The following ANKRD28 variants were observed in gnomAD, a reference collection of about 807,000 sequenced individuals.
The protein encoded by ANKRD28 is serine/threonine-protein phosphatase 6 regulatory ankyrin repeat subunit A.
A neutral mutation model predicts 126.5 loss-of-function variants in ANKRD28; 44 were observed. The observed-to-expected ratio is 0.35, with a 90% CI of 0.27 to 0.45. The LOEUF (loss-of-function observed/expected upper bound fraction) is 0.45. ANKRD28 is among the 20% of genes least tolerant of loss of function. The pLI, the probability that ANKRD28 is intolerant of heterozygous loss-of-function variation, is 1.00. For synonymous variants in ANKRD28, 442 were observed against 468.5 expected (o/e 0.94, Z 0.73); for missense variants, 1,110 against 1,316.6 (o/e 0.84, Z 2.43).
intron 1 of ANKRD28, among the ~76,000 whole-genome samples, chr3:15,837,625 C>T (rs1159208729): frequency 6.6e-6 from 1 of 152,032 alleles, no homozygotes; most frequent in Non-Finnish European, 1.5e-5. Context: ...CACATCAAAA[C>T]TCATAGGATA....
At chr3:15,704,909 G>A (rs924600725) in intron 14 of ANKRD28, among the ~76,000 whole-genome samples, 4 of 152,082 alleles carry the variant, frequency 2.6e-5, no homozygotes, top group Non-Finnish European at 1.5e-5. Context: ...AATAAAGATA[G>A]GAAACAGAGG....
intron 4 of ANKRD28, among the ~76,000 whole-genome samples, chr3:15,740,622 G>C (rs570093019): frequency 6.6e-6 from 1 of 152,272 alleles, no homozygotes; most frequent in Non-Finnish European, 1.5e-5. Flanking sequence ...CAGAATACTA[G>C]AGATGTCAGC....
intron 1 of ANKRD28, among the ~76,000 whole-genome samples, chr3:15,832,205 T>C (rs2061218924): frequency 6.6e-6 from 1 of 152,184 alleles, no homozygotes; most frequent in Non-Finnish European, 1.5e-5. Flanking sequence ...ATAAATAGAA[T>C]AAAGGAAGAA....
chr3:15,688,303 T>C (rs2068383787), intron 18 of ANKRD28, among the ~76,000 whole-genome samples: 1 of 152,220 alleles, frequency 6.6e-6, no homozygotes, highest in Non-Finnish European at 1.5e-5. Context: ...TTTTATTTTA[T>C]ATTTTAGGAA....
chr3:15,718,915 A>G (rs936435512), intron 8 of ANKRD28, among the ~76,000 whole-genome samples: 4 of 152,180 alleles, frequency 2.6e-5, no homozygotes, highest in African/African-American at 9.6e-5. Flanking sequence ...GGAAAAAACT[A>G]ACTTTTCTCC....
At chr3:15,706,897 A>T (rs2071514202) in intron 14 of ANKRD28, among the ~76,000 whole-genome samples, 1 of 152,130 alleles carries the variant, frequency 6.6e-6, no homozygotes. Context: ...TCTTTAGAGA[A>T]GTGTCTGTTC....
intron 2 of ANKRD28, among the ~76,000 whole-genome samples, chr3:15,774,381 G>A (rs1479190770): frequency 1.3e-5 from 2 of 151,966 alleles, no homozygotes; most frequent in African/African-American, 2.4e-5. Context: ...ACTTGAATTC[G>A]GAATATATAA....
chr3:15,771,562 A>G (rs2059010790), intron 2 of ANKRD28, among the ~76,000 whole-genome samples: 1 of 152,146 alleles, frequency 6.6e-6, no homozygotes, highest in South Asian at 2.1e-4. Context: ...AGCTCTTTAA[A>G]CAACCAGCTG....
chr3:15,789,775 T>C (rs1259543021), intron 2 of ANKRD28, among the ~76,000 whole-genome samples: 1 of 151,924 alleles, frequency 6.6e-6, no homozygotes, highest in Non-Finnish European at 1.5e-5. Context: ...TCATACCAAA[T>C]AATATGAATA....
chr3:15,809,839 A>G (rs529550836), intron 1 of ANKRD28, among the ~76,000 whole-genome samples: 1 of 152,334 alleles, frequency 6.6e-6, no homozygotes, highest in South Asian at 2.1e-4. Context: ...ATGCTATACT[A>G]AAGACTTCCA....
chr3:15,777,437 T>G (rs2059332960), intron 2 of ANKRD28, among the ~76,000 whole-genome samples: 1 of 152,196 alleles, frequency 6.6e-6, no homozygotes, highest in Non-Finnish European at 1.5e-5. Flanking sequence ...CAACGCAATC[T>G]TAGGGTGTGG....
chr3:15,741,425 G>A (rs1170759461), intron 4 of ANKRD28, among the ~76,000 whole-genome samples: 1 of 152,014 alleles, frequency 6.6e-6, no homozygotes, highest in African/African-American at 2.4e-5. Context: ...GATAACTAAC[G>A]GCACAGATGA....
intron 17 of ANKRD28, among the ~76,000 whole-genome samples, chr3:15,690,588 A>G (rs2125824541): frequency 6.6e-6 from 1 of 152,258 alleles, no homozygotes; most frequent in South Asian, 2.1e-4. Context: ...GTTTTGAGAC[A>G]GGGTCTTGCT....
chr3:15,850,936 G>A (rs2061638911), intron 1 of ANKRD28, among the ~76,000 whole-genome samples: 1 of 152,060 alleles, frequency 6.6e-6, no homozygotes, highest in Non-Finnish European at 1.5e-5. Context: ...CTGCACTTGT[G>A]GATCTGACAA....
chr3:15,745,518 G>C (rs2057417181), intron 4 of ANKRD28, among the ~76,000 whole-genome samples: 1 of 152,104 alleles, frequency 6.6e-6, no homozygotes, highest in African/African-American at 2.4e-5. Flanking sequence ...TCAGTTGGCT[G>C]TAAGTATTTG....
At chr3:15,776,545 T>G (rs1399771715) in intron 2 of ANKRD28, among the ~76,000 whole-genome samples, 1 of 152,058 alleles carries the variant, frequency 6.6e-6, no homozygotes, top group Non-Finnish European at 1.5e-5. Context: ...TGGGGAAGAA[T>G]AAGTAGGTGG....
chr3:15,731,652 C>G (rs1361994900), intron 6 of ANKRD28, among the ~76,000 whole-genome samples: 3 of 151,934 alleles, frequency 2.0e-5, no homozygotes, highest in African/African-American at 7.3e-5. Context: ...AAGTTCAAGA[C>G]CAGCCTGGTC....
chr3:15,766,379 A>G, intron 2 of ANKRD28, 67 bp from the exon 3 acceptor site: 3 of 1,129,088 alleles, frequency 2.7e-6, no homozygotes, highest in South Asian at 1.4e-5. Context: ...TAGTTTTAAT[A>G]ACCACAACAA....
chr3:15,796,556 G>A lies in ANKRD28; in HGVS notation c.-35C>T. The A allele has an allele frequency of 8.0e-7, 1 of 1,257,356 alleles. No homozygotes were observed. Among genetic ancestry groups the A allele is most frequent in the South Asian group, 1.3e-5 (1 of 76,744 alleles). The allele number at this position is 1,257,356 out of a possible 1,614,324, so 77.9% of individuals were successfully genotyped here. A position where few individuals can be genotyped will look rare whatever the true frequency, so the allele number is the denominator to read the frequency against. On this transcript the variant is annotated 5_prime_UTR_variant, in exon 1 of 28. Coordinates refer to ENST00000683139, the MANE Select transcript of ANKRD28 (RefSeq NM_001349278.2). ...TAAAACACTAAATTCCAAGCTATGTGATAAAAGTCACAGTTGGAAGAGCAC... is the reference window on the plus strand; with the variant it reads ...TAAAACACTAAATTCCAAGCTATGTAATAAAAGTCACAGTTGGAAGAGCAC...
Sources: gnomAD v4.1 joint callset for allele counts (sites outside exome capture counted in the v4.1 genomes callset) on GRCh38, gnomAD v4.1.1 for gene constraint, MANE v1.5 for transcripts, NCBI Gene and HGNC (gene_info 2026-07-23, HGNC 2026-07-21) for gene names.